GAB2: variants seen among roughly 807,000 people sequenced by gnomAD.
The protein encoded by GAB2 is GRB2-associated-binding protein 2.
GAB2 carries 26 observed loss-of-function variants against 65.5 expected under a neutral mutation model. That is an observed-to-expected ratio of 0.40 (90% confidence interval 0.29 to 0.55). The LOEUF is 0.55. GAB2 is among the 20% of genes least tolerant of loss of function. The pLI is 0.53. For synonymous variants in GAB2, 321 were observed against 329.6 expected (o/e 0.97, Z 0.28); for missense variants, 884 against 875.8 (o/e 1.01, Z -0.12).
chr11:78,286,520 A>C (rs12273038), intron 1 of GAB2, among the ~76,000 whole-genome samples: 2,657 of 152,210 alleles, frequency 0.017, 87 homozygotes, highest in African/African-American at 0.062. Context: ...ATTAAGGTCC[A>C]ATGTGGCCAA....
chr11:78,222,277 T>A (rs1864466027), intron 6 of GAB2, 82 bp from the exon 7 acceptor site: 2 of 898,840 alleles, frequency 2.2e-6, no homozygotes, highest in Non-Finnish European at 3.7e-6. Context: ...CACATGAGCA[T>A]GTTTATAAAG....
intron 1 of GAB2, among the ~76,000 whole-genome samples, chr11:78,377,157 A>T (rs913744351): frequency 1.3e-5 from 2 of 152,210 alleles, no homozygotes; most frequent in African/African-American, 4.8e-5. Context: ...ATCTATTTTC[A>T]TTTTAAATTA....
At chr11:78,328,217 T>A (rs1855857821) in intron 1 of GAB2, among the ~76,000 whole-genome samples, 6 of 152,192 alleles carry the variant, frequency 3.9e-5, no homozygotes, top group Admixed American at 3.3e-4. Flanking sequence ...CCTGGGTCAA[T>A]AATCTCAATG....
rs534650263 is a variant in GAB2 at position 78,411,732 on chromosome 11, G to A, written c.75+5914C>T. On this transcript the variant is annotated intron_variant, in intron 1 of 9. Coordinates refer to ENST00000361507, the MANE Select transcript of GAB2 (RefSeq NM_080491.3). ...AAAACATAAACCTGTAAAATGTGTAGAAAAAAAAAAACCAGGAAAGCCGGC... is the reference window on the plus strand; with the variant it reads ...AAAACATAAACCTGTAAAATGTGTAAAAAAAAAAAAACCAGGAAAGCCGGC... 4.9e-3 allele frequency among the ~76,000 whole-genome samples: 718 copies of A among 146,328 alleles called. 4 individuals are homozygous for A. Among genetic ancestry groups the A allele is most frequent in the Non-Finnish European group, 8.6e-3 (569 of 66,100 alleles).
intron 1 of GAB2, among the ~76,000 whole-genome samples, chr11:78,311,418 T>C (rs1261544129): frequency 6.6e-6 from 1 of 151,980 alleles, no homozygotes; most frequent in Non-Finnish European, 1.5e-5. Context: ...TTTCTTTCCC[T>C]AAAGAATATT....
chr11:78,245,799 T>C (rs541252764), intron 3 of GAB2, among the ~76,000 whole-genome samples: 145 of 152,330 alleles, frequency 9.5e-4, no homozygotes, highest in African/African-American at 3.3e-3. Flanking sequence ...CCTGAGGAAA[T>C]TTCTTATCAG....
In GAB2 at chr11:78,408,491, A is replaced by C. The variant is rs546581211; in HGVS notation, c.75+9155T>G. Among the ~76,000 whole-genome samples the C allele has an allele frequency of 5.3e-5, 8 of 152,350 alleles. No homozygotes were observed. In the South Asian group the frequency reaches 1.7e-3, roughly 32 times the overall value. ...AAGGCAAGAAGAAAACAAAAACAGA[A>C]CACAAACAAAAAATAAAGTGGCAGA... is the stretch of plus-strand genomic sequence containing the variant. On this transcript the variant is annotated intron_variant, in intron 1 of 9. Coordinates refer to ENST00000361507, the MANE Select transcript of GAB2 (RefSeq NM_080491.3).
At chr11:78,229,729 C>T (rs1590948314) in intron 3 of GAB2, among the ~76,000 whole-genome samples, 1 of 152,362 alleles carries the variant, frequency 6.6e-6, no homozygotes, top group Middle Eastern at 3.4e-3. Flanking sequence ...CCAATCTTTT[C>T]TCTTTAGTTC....
At chr11:78,386,280 G>T (rs1024568044) in intron 1 of GAB2, among the ~76,000 whole-genome samples, 2 of 152,178 alleles carry the variant, frequency 1.3e-5, no homozygotes, top group African/African-American at 4.8e-5. Flanking sequence ...CTTCTTTCCT[G>T]AGTACCCACT....
At chr11:78,257,140 C>A (rs138632469) in intron 2 of GAB2, among the ~76,000 whole-genome samples, 1 of 152,180 alleles carries the variant, frequency 6.6e-6, no homozygotes. Context: ...AACTCTAGAA[C>A]AGGAAAGCTC....
intron 9 of GAB2, 49 bp downstream of exon 9, chr11:78,220,270 T>C (rs764679729): frequency 1.1e-5 from 17 of 1,607,372 alleles, no homozygotes; most frequent in African/African-American, 2.7e-5. Flanking sequence ...GATCTCTGCC[T>C]CCGGGACCCT....
chr11:78,291,864 C>T (rs1199740736), intron 1 of GAB2, among the ~76,000 whole-genome samples: 1 of 151,860 alleles, frequency 6.6e-6, no homozygotes, highest in African/African-American at 2.4e-5. Flanking sequence ...GTACCCAGCC[C>T]CTTATGTATT....
At chr11:78,271,442 A>G (rs1445404961) in intron 2 of GAB2, among the ~76,000 whole-genome samples, 1 of 152,236 alleles carries the variant, frequency 6.6e-6, no homozygotes, top group Non-Finnish European at 1.5e-5. Context: ...TTTTGGAACG[A>G]GTTCTCTCTC....
chr11:78,363,586 CTTT>C (rs772252348), intron 1 of GAB2, among the ~76,000 whole-genome samples: 22 of 135,386 alleles, frequency 1.6e-4, no homozygotes, highest in Non-Finnish European at 1.3e-4. Context: ...AATATATTTT[CTTT>C]TTTTTTTTTT....
intron 1 of GAB2, among the ~76,000 whole-genome samples, chr11:78,332,719 G>T (rs1286017273): frequency 6.6e-6 from 1 of 152,198 alleles, no homozygotes; most frequent in Non-Finnish European, 1.5e-5. Flanking sequence ...GCTCTGGCTT[G>T]AACAGTAGGG....
intron 1 of GAB2, among the ~76,000 whole-genome samples, chr11:78,386,605 C>G (rs1322941829): frequency 6.6e-6 from 1 of 152,180 alleles, no homozygotes; most frequent in South Asian, 2.1e-4. Flanking sequence ...CAGCTACAAC[C>G]CTATATGCCT....
intron 1 of GAB2, among the ~76,000 whole-genome samples, chr11:78,338,791 AT>A (rs1354051773): frequency 6.6e-6 from 1 of 152,156 alleles, no homozygotes; most frequent in Non-Finnish European, 1.5e-5. Flanking sequence ...AAAACTTTAC[AT>A]TCTGGGAACA....
At chr11:78,322,487 A>G (rs891516136) in intron 1 of GAB2, among the ~76,000 whole-genome samples, 26 of 152,118 alleles carry the variant, frequency 1.7e-4, no homozygotes, top group African/African-American at 6.0e-4. Context: ...GCTTGTACAC[A>G]GCAAAAGAAA....
chr11:78,239,324 G>A (rs1865067575), intron 3 of GAB2, among the ~76,000 whole-genome samples: 1 of 152,200 alleles, frequency 6.6e-6, no homozygotes, highest in African/African-American at 2.4e-5. Context: ...GGGTTCAAGC[G>A]ATTCTCCTGC....
Sources: gnomAD v4.1 joint callset for allele counts (sites outside exome capture counted in the v4.1 genomes callset) on GRCh38, gnomAD v4.1.1 for gene constraint, MANE v1.5 for transcripts, NCBI Gene and HGNC (gene_info 2026-07-23, HGNC 2026-07-21) for gene names.